The following CMYA5 variants were observed in gnomAD, a reference collection of about 807,000 sequenced individuals.
CMYA5 encodes the protein cardiomyopathy associated 5, also known as cardiomyopathy-associated protein 5.
Under a neutral mutation model 318.9 loss-of-function variants are expected in CMYA5, and 246 were observed. The ratio of observed to expected loss-of-function variants is 0.77; its 90% CI spans 0.70 to 0.86. The LOEUF (loss-of-function observed/expected upper bound fraction) is 0.86, where lower values mean the gene tolerates loss of function less well. Among genes scored for constraint, CMYA5 ranks in the 40% least tolerant of loss-of-function variants. The pLI, the probability that CMYA5 is intolerant of heterozygous loss-of-function variation, is 0.00. For synonymous variants in CMYA5, 1,641 were observed against 1,729.5 expected (o/e 0.95, Z 1.27); for missense variants, 4,589 against 4,678.2 (o/e 0.98, Z 0.56).
At position 79,743,832 on chromosome 5, in the gene CMYA5, A is replaced by G; in HGVS notation, c.10644A>G (p.Gln3548=). 1 of 1,519,080 alleles carries G rather than the reference A, an allele frequency of 6.6e-7. No individual in the cohort carries two copies. The highest frequency in any genetic ancestry group is 8.9e-7 in the Non-Finnish European group (1 of 1,119,910). The allele number at this position is 1,519,080 out of a possible 1,614,324, so 94.1% of individuals were successfully genotyped here. ...ATCTTAATTCTTTTCTTCAGGTTCA[A>G]TTAGCAGAATTTCTAGAAAATTTAC... ...LDTAISAVKV[Q]LAEFLENLQE... The change falls in exon 3 of 13, where the codon CAA becomes CAG. Residue 3548 remains glutamine, a synonymous_variant. Coordinates refer to ENST00000446378, the MANE Select transcript of CMYA5 (RefSeq NM_153610.5).
chr5:79,755,520 C>A (rs1828510594), intron 6 of CMYA5, among the ~76,000 whole-genome samples: 1 of 152,162 alleles, frequency 6.6e-6, no homozygotes, highest in Admixed American at 6.5e-5. Context: ...CTCCTGAACT[C>A]AAGTGATCTG....
At position 79,735,514 on chromosome 5, in the gene CMYA5, G is replaced by T; in HGVS notation, c.6749G>T (p.Arg2250Ile). The T allele has an allele frequency of 1.2e-6, 2 of 1,613,360 alleles. No individual in the cohort carries two copies. Among genetic ancestry groups the T allele is most frequent in the Non-Finnish European group, 1.7e-6 (2 of 1,179,694 alleles). Reference protein sequence around the residue: ...EVKLKTADEPRGTLVKSGDGQ... With the variant: ...EVKLKTADEPIGTLVKSGDGQ... ...AAACTTAAAACTGCTGATGAACCCA[G>T]AGGTACTTTAGTAAAATCTGGTGAC... Residue 2250 changes from arginine (R) to isoleucine (I), a missense_variant, in exon 2 of 13, where the codon AGA (arginine) becomes ATA (isoleucine). Physicochemically the swap from Arg to Ile is moderately conservative, Grantham distance 97. Around this residue, in one of 3 missense-constraint regions of CMYA5, gnomAD observed 2,431 missense variants for 2,495.1 expected, o/e 0.97. Coordinates refer to ENST00000446378, the MANE Select transcript of CMYA5 (RefSeq NM_153610.5).
Position 79,690,025 on chromosome 5 carries a change from G to A in CMYA5, c.118G>A (p.Ala40Thr). The change falls in exon 1 of 13, where the codon GCG (alanine) becomes ACG (threonine). Residue 40 changes from alanine (A) to threonine (T), a missense_variant. Ala to Thr is a moderately conservative substitution (Grantham distance 58). Coordinates refer to ENST00000446378, the MANE Select transcript of CMYA5 (RefSeq NM_153610.5). Reference protein sequence around the residue: ...EESEGEEDETAAESEEEPDSR... With the variant: ...EESEGEEDETTAESEEEPDSR... Reference sequence around the variant, plus strand: ...GTCGGAGGGCGAGGAGGACGAGACGGCGGCGGAGTCGGAGGAGGAGCCGGA... The same window carrying A: ...GTCGGAGGGCGAGGAGGACGAGACGACGGCGGAGTCGGAGGAGGAGCCGGA... 1 of 1,478,760 alleles carries A rather than the reference G, an allele frequency of 6.8e-7. No homozygotes were observed. The highest frequency in any genetic ancestry group is 9.0e-7 in the Non-Finnish European group (1 of 1,110,330). 91.6% of individuals were successfully genotyped at this position (1,478,760 alleles called of 1,614,324 possible).
At chr5:79,722,827 T>C (rs1827667739) in intron 1 of CMYA5, among the ~76,000 whole-genome samples, 1 of 152,100 alleles carries the variant, frequency 6.6e-6, no homozygotes, top group African/African-American at 2.4e-5. Flanking sequence ...ATGGATATTA[T>C]GAACAACTTT....
chr5:79,700,090 A>G (rs1437534922), intron 1 of CMYA5, among the ~76,000 whole-genome samples: 1 of 152,236 alleles, frequency 6.6e-6, no homozygotes, highest in Non-Finnish European at 1.5e-5. Context: ...ATGGCAAGAA[A>G]TGGCAACCAC....
rs186085786 is a variant in CMYA5, at chr5:79,735,593, A to G, written c.6828A>G (p.Gln2276=). 1.6e-5 allele frequency: 26 copies of G among 1,613,532 alleles called. No individual in the cohort carries two copies. The highest frequency in any genetic ancestry group is 2.1e-5 in the Non-Finnish European group (25 of 1,179,736). ...TTTTATCAAATGTAGAAGATTTACA[A>G]CAGCCAAAATTCATTTCTGAGGTGT... ...SMILSNVEDL[Q]QPKFISEVSR... is the part of the protein sequence containing the mutation. Residue 2276 remains glutamine, a synonymous_variant, in exon 2 of 13, where the codon CAA becomes CAG. Transcript: ENST00000446378.
rs748587170 is a variant in CMYA5 at position 79,763,142 on chromosome 5, C to T, written c.11488C>T (p.Pro3830Ser). Residue 3830 changes from proline (P) to serine (S), a missense_variant, in exon 9 of 13, where the codon CCA becomes TCA. Around this residue, in one of 3 missense-constraint regions of CMYA5, gnomAD observed 2,431 missense variants for 2,495.1 expected, o/e 0.97. Transcript: ENST00000446378. ...TATIRWRPTT[P>S]EATETYTLEY... ...CACTATCCGATGGCGGCCCACCACCCCAGAGGCCACGGAGACCTACACTCT... is the reference window on the plus strand; with the variant it reads ...CACTATCCGATGGCGGCCCACCACCTCAGAGGCCACGGAGACCTACACTCT... 6 of 1,593,192 alleles carry T rather than the reference C, an allele frequency of 3.8e-6. No homozygotes were observed. The Admixed American group carries it at 1.0e-4, about 28-fold the overall frequency.
chr5:79,763,429 A>C (rs1828694736), intron 9 of CMYA5: 1 of 474,488 alleles, frequency 2.1e-6, no homozygotes, highest in Non-Finnish European at 3.7e-6. Context: ...ACTCCCTTGT[A>C]AGAAAAATGT....
chr5:79,791,613 C>CG lies in CMYA5; in HGVS notation c.11789+546dup, dbSNP rs531735910. Among the ~76,000 whole-genome samples the CG allele has an allele frequency of 1.4e-3, 210 of 149,882 alleles. 3 individuals carry two copies. Among genetic ancestry groups the CG allele is most frequent in the African/African-American group, 5.0e-3 (201 of 40,598 alleles). On this transcript the variant is annotated intron_variant, in intron 11 of 12. Transcript: ENST00000446378. ...GTGCACGCCTGTAATCTCAGCTACT[C>CG]GGAGGCTGAGGCAGGAGAATCACTT...
At chr5:79,788,124 C>A (rs1423981071) in intron 9 of CMYA5, among the ~76,000 whole-genome samples, 1 of 152,116 alleles carries the variant, frequency 6.6e-6, no homozygotes, top group African/African-American at 2.4e-5. Context: ...CTCTCCAGCA[C>A]CCAGGTTAGG....
At chr5:79,719,795 A>G (rs79273480) in intron 1 of CMYA5, among the ~76,000 whole-genome samples, 5,613 of 152,274 alleles carry the variant, frequency 0.037, 121 homozygotes, top group Middle Eastern at 0.099. Flanking sequence ...ATGGGAAGGG[A>G]AGGGCTTATG....
intron 9 of CMYA5, among the ~76,000 whole-genome samples, chr5:79,775,042 G>A (rs1249289214): frequency 6.6e-6 from 1 of 152,164 alleles, no homozygotes; most frequent in African/African-American, 2.4e-5. Flanking sequence ...TGACAGGAGG[G>A]TCACTGACAC....
At chr5:79,776,532 T>C (rs1455563793) in intron 9 of CMYA5, among the ~76,000 whole-genome samples, 1 of 152,150 alleles carries the variant, frequency 6.6e-6, no homozygotes, top group African/African-American at 2.4e-5. Context: ...CTTATGATTA[T>C]TTTTCCCAAC....
Position 79,731,589 on chromosome 5 carries a change from A to G in CMYA5, c.2824A>G (p.Ile942Val), listed in dbSNP as rs1265025160. ...MNLSEEDQED[I>V]GPFSPDSAFV... Reference sequence around the variant, plus strand: ...TTTATCAGAAGAAGATCAAGAAGACATTGGACCTTTTTCTCCAGATTCTGC... The same window carrying G: ...TTTATCAGAAGAAGATCAAGAAGACGTTGGACCTTTTTCTCCAGATTCTGC... Residue 942 changes from isoleucine to valine, a missense_variant, in exon 2 of 13, where the codon ATT (isoleucine) becomes GTT (valine). By Grantham distance (29) the Ile-to-Val change is conservative (BLOSUM62 3). This residue lies in a region of CMYA5 where 2,132 missense variants were observed against 2,131.3 expected (regional missense o/e 1.00). Coordinates refer to ENST00000446378, the MANE Select transcript of CMYA5 (RefSeq NM_153610.5). 1 of 1,613,198 alleles carries G rather than the reference A, an allele frequency of 6.2e-7. No homozygotes were observed. Among genetic ancestry groups the G allele is most frequent in the Non-Finnish European group, 8.5e-7 (1 of 1,179,606 alleles).
Position 79,791,005 on chromosome 5 carries a change from C to T in CMYA5, c.11725C>T (p.Pro3909Ser). ...TCTCTTGTTGAGAGAAACAGCTCAT[C>T]CTGCTCTACACATTTCCTCAAGTGG... ...RFLLLRETAH[P>S]ALHISSSGTV... Residue 3909 changes from proline to serine, a missense_variant, in exon 11 of 13, where the codon CCT (proline) becomes TCT (serine). Pro to Ser is a moderately conservative substitution (Grantham distance 74). Around this residue, in one of 3 missense-constraint regions of CMYA5, gnomAD observed 2,431 missense variants for 2,495.1 expected, o/e 0.97. Coordinates refer to ENST00000446378, the MANE Select transcript of CMYA5 (RefSeq NM_153610.5). 3.7e-6 allele frequency: 6 copies of T among 1,613,882 alleles called. 1 individual carries two copies. The East Asian group carries it at 1.1e-4, about 30-fold the overall frequency.
At chr5:79,771,463 C>T (rs971106472) in intron 9 of CMYA5, among the ~76,000 whole-genome samples, 3 of 152,202 alleles carry the variant, frequency 2.0e-5, no homozygotes, top group African/African-American at 4.8e-5. Context: ...TGAAATGACT[C>T]ATTCCCTTAA....
intron 9 of CMYA5, among the ~76,000 whole-genome samples, chr5:79,763,613 A>G (rs997409243): frequency 6.6e-6 from 1 of 152,182 alleles, no homozygotes; most frequent in African/African-American, 2.4e-5. Context: ...TCCATGATAG[A>G]TTGGTAACAT....
chr5:79,754,699 C>G (rs1580788464), intron 6 of CMYA5, among the ~76,000 whole-genome samples: 1 of 152,062 alleles, frequency 6.6e-6, no homozygotes, highest in Admixed American at 6.5e-5. Flanking sequence ...TACCATCTTG[C>G]CCATTTTTAA....
chr5:79,693,597 C>G (rs918427857), intron 1 of CMYA5, among the ~76,000 whole-genome samples: 2 of 152,174 alleles, frequency 1.3e-5, no homozygotes, highest in Admixed American at 6.5e-5. Context: ...CTGCCTCCAG[C>G]CTCCCAAAAT....
Sources: gnomAD v4.1 joint callset for allele counts (sites outside exome capture counted in the v4.1 genomes callset) on GRCh38, gnomAD v4.1.1 for gene constraint, gnomAD v4.1.1 regional missense constraint, MANE v1.5 for transcripts, NCBI Gene and HGNC (gene_info 2026-07-23, HGNC 2026-07-21) for gene names.